BPIFB6: variants seen among roughly 807,000 people sequenced by gnomAD.
BPIFB6 encodes BPI fold-containing family B member 6.
Under a neutral mutation model 54.7 loss-of-function variants are expected in BPIFB6, and 47 were observed. That is an observed-to-expected ratio of 0.86 (90% CI 0.68 to 1.10). The LOEUF (loss-of-function observed/expected upper bound fraction) is 1.10. Ranked by LOEUF, BPIFB6 falls within the 50% of genes least tolerant of loss-of-function variation. BPIFB6 has a pLI of 0.00. For synonymous variants in BPIFB6, 255 were observed against 225.9 expected (o/e 1.13, Z -1.16); for missense variants, 603 against 564.1 (o/e 1.07, Z -0.70).
chr20:33,040,828 G>A (rs571456340), intron 11 of BPIFB6, among the ~76,000 whole-genome samples: 1 of 152,206 alleles, frequency 6.6e-6, no homozygotes, highest in African/African-American at 2.4e-5. Context: ...TTAACATTCG[G>A]TCCCTATTAA....
chr20:33,034,849 C>T lies in BPIFB6; in HGVS notation c.389C>T (p.Pro130Leu). ...RLLRDEETGL[P>L]VFKSEGCEVI... ...CTGCGGGATGAGGAGACAGGCCTCC[C>T]CGTGTTCAAGAGTGAGGGCTGTGAG... Residue 130 changes from proline (P) to leucine (L), a missense_variant, in exon 4 of 15, where the codon CCC (proline) becomes CTC (leucine). Transcript: ENST00000349552. 1 of 1,613,830 alleles carries T rather than the reference C, an allele frequency of 6.2e-7. No individual in the cohort carries two copies. Among genetic ancestry groups the T allele is most frequent in the Non-Finnish European group, 8.5e-7 (1 of 1,179,814 alleles).
At chr20:33,035,034 G>A (rs571983495) in intron 4 of BPIFB6, 47 bp from the exon 5 acceptor site, 255 of 1,610,498 alleles carry the variant, frequency 1.6e-4, no homozygotes, top group Middle Eastern at 1.6e-4. Context: ...CTAAATTCCT[G>A]CACTGGTGCA....
rs1160783428 is a variant in BPIFB6, at chr20:33,035,705, C to T, written c.577+33C>T. The T allele has an allele frequency of 1.8e-5, 28 of 1,596,822 alleles. No homozygotes were observed. The East Asian group carries it at 6.2e-4, about 36-fold the overall frequency. On this transcript the variant is annotated intron_variant, in intron 6 of 14. Transcript: ENST00000349552. Reference sequence around the variant, plus strand: ...TAGCCCTACCCACACCTTGCCCCTACCTAGGGATATCAGGATAGATAGACT... The same window carrying T: ...TAGCCCTACCCACACCTTGCCCCTATCTAGGGATATCAGGATAGATAGACT...
chr20:33,043,118 T>G (rs1351855306), intron 13 of BPIFB6, among the ~76,000 whole-genome samples, 173 bp from the exon 14 acceptor site: 7 of 152,242 alleles, frequency 4.6e-5, no homozygotes, highest in Admixed American at 1.3e-4. Flanking sequence ...CCCCACATCT[T>G]GACCTGGGAT....
chr20:33,035,573 G>T lies in BPIFB6; in HGVS notation c.517-39G>T, dbSNP rs780167428. On this transcript the variant is annotated intron_variant, in intron 5 of 14. Coordinates refer to ENST00000349552, the MANE Select transcript of BPIFB6 (RefSeq NM_174897.2). ...ATTCAGCTGTGTGGAGGCTCTCCAT[G>T]CAGGGACCCTCTCAGCCCAGTGCCT... 34 of 1,602,466 alleles carry T rather than the reference G, an allele frequency of 2.1e-5. No individual in the cohort carries two copies. The South Asian group carries it at 3.4e-4, about 16-fold the overall frequency.
In BPIFB6 at chr20:33,033,059, T is replaced by C. The variant is rs141885387; in HGVS notation, c.173T>C (p.Met58Thr). The stretch of plus-strand genomic sequence containing the variant: ...GAGGCAGGCAAGAAACAGCCAGGGA[T>C]GAAACCTATCAAGGGCATCACCAAG... ...AAEAGKKQPG[M>T]KPIKGITNLK... The change falls in exon 2 of 15, where the codon ATG becomes ACG. Residue 58 changes from methionine to threonine, a missense_variant. Physicochemically the swap from Met to Thr is moderately conservative, Grantham distance 81. Coordinates refer to ENST00000349552, the MANE Select transcript of BPIFB6 (RefSeq NM_174897.2). The C allele has an allele frequency of 6.2e-7, 1 of 1,613,744 alleles. No homozygotes were observed. Among genetic ancestry groups the C allele is most frequent in the Non-Finnish European group, 8.5e-7 (1 of 1,179,876 alleles).
chr20:33,043,861 A>G (rs1040623441), intron 14 of BPIFB6, among the ~76,000 whole-genome samples, 154 bp from the exon 15 acceptor site: 1 of 152,178 alleles, frequency 6.6e-6, no homozygotes, highest in Non-Finnish European at 1.5e-5. Context: ...AGAGAGGTGA[A>G]GTGACCTCTC....
chr20:33,037,830 T>A lies in BPIFB6; in HGVS notation c.846+92T>A. The stretch of plus-strand genomic sequence containing the variant: ...TCTATCATGAAAATTATCCTGGCCT[T>A]GTGGGCAACACTAGGACTGGAAGAT... On this transcript the variant is annotated intron_variant, in intron 8 of 14. Coordinates refer to ENST00000349552, the MANE Select transcript of BPIFB6 (RefSeq NM_174897.2). 6.4e-6 allele frequency: 9 copies of A among 1,409,384 alleles called. No homozygotes were observed. In the Admixed American group the frequency reaches 1.7e-4, roughly 27 times the overall value. 87.3% of individuals were successfully genotyped at this position (1,409,384 alleles called of 1,614,324 possible).
chr20:33,041,055 T>C (rs1979562917), intron 11 of BPIFB6, among the ~76,000 whole-genome samples: 1 of 144,768 alleles, frequency 6.9e-6, no homozygotes, highest in South Asian at 2.4e-4. Flanking sequence ...AGTGGCGCAA[T>C]CTCGGCTCAC....
intron 8 of BPIFB6, among the ~76,000 whole-genome samples, chr20:33,038,191 C>A (rs1166445662): frequency 2.0e-5 from 3 of 152,104 alleles, no homozygotes; most frequent in African/African-American, 7.2e-5. Context: ...ACCACCCAAA[C>A]ACCACTACAT....
chr20:33,041,273 G>A (rs1442686360), intron 11 of BPIFB6, among the ~76,000 whole-genome samples: 1 of 152,190 alleles, frequency 6.6e-6, no homozygotes, highest in Non-Finnish European at 1.5e-5. Context: ...ACAGGCATGA[G>A]CCACCACACC....
chr20:33,038,182 C>T (rs539342793), intron 8 of BPIFB6, among the ~76,000 whole-genome samples: 85 of 152,196 alleles, frequency 5.6e-4, no homozygotes, highest in Non-Finnish European at 1.1e-3. Context: ...CTGCCATGTA[C>T]CACCCAAACA....
intron 2 of BPIFB6, 46 bp from the exon 3 acceptor site, chr20:33,034,140 C>A: frequency 7.0e-7 from 1 of 1,426,496 alleles, no homozygotes; most frequent in South Asian, 1.1e-5. Flanking sequence ...GGTCCTGGGT[C>A]TTGCCTGCTC....
chr20:33,034,646 G>A, intron 3 of BPIFB6, 117 bp from the exon 4 acceptor site: 5 of 1,169,798 alleles, frequency 4.3e-6, no homozygotes, highest in Non-Finnish European at 6.0e-6. Flanking sequence ...CTGTCTTGTA[G>A]GGGTGGTCTC....
At chr20:33,036,203 G>A (rs182969430) in intron 6 of BPIFB6, among the ~76,000 whole-genome samples, 4 of 152,308 alleles carry the variant, frequency 2.6e-5, no homozygotes, top group African/African-American at 9.6e-5. Context: ...TCTGTTGCAA[G>A]GTCCAAGCAG....
chr20:33,034,598 G>C (rs539252718), intron 3 of BPIFB6, among the ~76,000 whole-genome samples, 165 bp from the exon 4 acceptor site: 1 of 152,184 alleles, frequency 6.6e-6, no homozygotes, highest in Non-Finnish European at 1.5e-5. Context: ...AGGGAGAAAA[G>C]CTGGTTGTGT....
chr20:33,043,492 A>C, intron 14 of BPIFB6, 125 bp downstream of exon 14: 1 of 834,192 alleles, frequency 1.2e-6, no homozygotes, highest in Non-Finnish European at 2.0e-6. Context: ...CATCAATATA[A>C]TCCTGCCCCT....
chr20:33,043,201 C>T (rs141138450), intron 13 of BPIFB6, 90 bp from the exon 14 acceptor site: 6 of 1,103,800 alleles, frequency 5.4e-6, no homozygotes, highest in Middle Eastern at 2.0e-4. Flanking sequence ...TCAATCACTG[C>T]ACTATTTCCC....
chr20:33,039,114 G>T, intron 9 of BPIFB6, 152 bp downstream of exon 9: 1 of 1,061,382 alleles, frequency 9.4e-7, no homozygotes, highest in East Asian at 2.5e-5. Context: ...AGTACTTTTT[G>T]GGTCCAACAT....
Sources: allele counts gnomAD v4.1 joint callset (sites outside exome capture counted in the v4.1 genomes callset), GRCh38; gene constraint gnomAD v4.1.1; transcripts MANE v1.5; gene names NCBI Gene and HGNC (gene_info 2026-07-23, HGNC 2026-07-21).